The following ZNF385D variants were observed in gnomAD, a reference collection of about 807,000 sequenced individuals.
ZNF385D encodes zinc finger protein 659.
Under a neutral mutation model 35.8 loss-of-function variants are expected in ZNF385D, and 15 were observed. The observed-to-expected ratio is 0.42, with a 90% CI of 0.28 to 0.64. ZNF385D has a LOEUF of 0.64. ZNF385D is among the 30% of genes least tolerant of loss of function. ZNF385D has a pLI of 0.23. For synonymous variants in ZNF385D, 212 were observed against 186.8 expected, an observed-to-expected ratio of 1.13 and a Z score of -1.10; for missense variants, 474 against 494.6, an observed-to-expected ratio of 0.96 and a Z score of 0.39.
At chr3:21,652,424 A>C (rs531589170) in intron 2 of ZNF385D, among the ~76,000 whole-genome samples, 2 of 152,242 alleles carry the variant, frequency 1.3e-5, no homozygotes, top group South Asian at 2.1e-4. Flanking sequence ...TGGATCCCAA[A>C]CTAATGATAT....
At chr3:21,512,489 ATAAT>A (rs1380855470) in intron 3 of ZNF385D, among the ~76,000 whole-genome samples, 2 of 152,256 alleles carry the variant, frequency 1.3e-5, no homozygotes, top group African/African-American at 4.8e-5. Flanking sequence ...GTTTTAACAA[ATAAT>A]TAAATAGTCC....
intron 3 of ZNF385D, among the ~76,000 whole-genome samples, chr3:21,855,695 G>A (rs73050596): frequency 0.068 from 10,370 of 151,946 alleles, 508 homozygotes; most frequent in East Asian, 0.18. Context: ...TTACTTAACT[G>A]TTTGTGCTAA....
chr3:21,746,061 A>G (rs545466916), intron 1 of ZNF385D, among the ~76,000 whole-genome samples: 34 of 152,362 alleles, frequency 2.2e-4, no homozygotes, highest in Middle Eastern at 3.4e-3. Context: ...TTCCAGTATT[A>G]AACACACACA....
chr3:22,176,623 G>A (rs1010758559), intron 2 of ZNF385D, among the ~76,000 whole-genome samples: 3 of 152,138 alleles, frequency 2.0e-5, no homozygotes, highest in Non-Finnish European at 4.4e-5. Context: ...ATTAAGCCCA[G>A]AGTGGCAGAA....
intron 2 of ZNF385D, among the ~76,000 whole-genome samples, chr3:21,649,463 C>G (rs1306689728): frequency 6.6e-6 from 1 of 151,922 alleles, no homozygotes; most frequent in Non-Finnish European, 1.5e-5. Flanking sequence ...AAAGGTTGTC[C>G]AGCCACATCA....
At chr3:21,482,008 C>G (rs1704663318) in intron 4 of ZNF385D, among the ~76,000 whole-genome samples, 1 of 152,116 alleles carries the variant, frequency 6.6e-6, no homozygotes, top group African/African-American at 2.4e-5. Flanking sequence ...ATTTCATTCA[C>G]CGTCCTGGGT....
intron 3 of ZNF385D, among the ~76,000 whole-genome samples, chr3:21,760,698 A>G (rs899724697): frequency 1.3e-5 from 2 of 152,170 alleles, no homozygotes; most frequent in African/African-American, 4.8e-5. Context: ...AGCAGTACTG[A>G]CTAAATATAG....
chr3:21,463,164 T>G (rs1703288107), intron 4 of ZNF385D, among the ~76,000 whole-genome samples: 1 of 151,898 alleles, frequency 6.6e-6, no homozygotes, highest in Admixed American at 6.6e-5. Flanking sequence ...AATTTAAAAG[T>G]TGTAAACATA....
chr3:21,933,053 T>G (rs2125252504), intron 3 of ZNF385D, among the ~76,000 whole-genome samples: 1 of 152,256 alleles, frequency 6.6e-6, no homozygotes, highest in South Asian at 2.1e-4. Flanking sequence ...AGCGGAAAAC[T>G]TCCTGAATCT....
chr3:21,498,440 G>A lies in ZNF385D; in HGVS notation c.439+12421C>T, dbSNP rs947914801. 1.8e-4 allele frequency among the ~76,000 whole-genome samples: 27 copies of A among 152,224 alleles called. 1 individual carries two copies. In the South Asian group the frequency reaches 4.4e-3, roughly 25 times the overall value. On this transcript the variant is annotated intron_variant, in intron 4 of 7. Coordinates refer to ENST00000281523, the MANE Select transcript of ZNF385D (RefSeq NM_024697.3). ...TAAACAGACAACCTACAGAATGGAA[G>A]AATATATTTGCAAACTATCAATTCG...
At position 22,166,004 on chromosome 3, in the gene ZNF385D, C is replaced by T. The variant is rs1236251360; in HGVS notation, c.325+2813G>A. On this transcript the variant is annotated intron_variant, in intron 3 of 5. Transcript: ENST00000494108. ...ATACCCTCTCAGATAATGTGATTGA[C>T]ACTTTTGGCTCCAGGATCTCCCCTA... 2.7e-5 allele frequency among the ~76,000 whole-genome samples: 4 copies of T among 147,510 alleles called. 1 individual carries two copies. Among genetic ancestry groups the T allele is most frequent in the Admixed American group, 2.7e-4 (4 of 14,776 alleles).
At position 21,813,617 on chromosome 3, in the gene ZNF385D, A is replaced by C. The variant is rs556713744; in HGVS notation, c.326-148589T>G. 1.8e-4 allele frequency among the ~76,000 whole-genome samples: 28 copies of C among 152,280 alleles called. No homozygotes were observed. In the South Asian group the frequency reaches 5.8e-3, roughly 32 times the overall value. On this transcript the variant is annotated intron_variant, in intron 3 of 5. Coordinates refer to the ZNF385D transcript ENST00000494108. ...AAGGGTATCGATGATTGAAGATCAAATGAATGAAATGAAGTGAGAAGAGAA... is the reference window on the plus strand; with the variant it reads ...AAGGGTATCGATGATTGAAGATCAACTGAATGAAATGAAGTGAGAAGAGAA...
chr3:21,853,878 G>A (rs992288903), intron 3 of ZNF385D, among the ~76,000 whole-genome samples: 2 of 151,756 alleles, frequency 1.3e-5, no homozygotes, highest in Non-Finnish European at 2.9e-5. Context: ...TGTATATGAA[G>A]TTCAAGAAAG....
At chr3:21,955,304 T>C (rs1286883665) in intron 3 of ZNF385D, among the ~76,000 whole-genome samples, 1 of 152,072 alleles carries the variant, frequency 6.6e-6, no homozygotes, top group Non-Finnish European at 1.5e-5. Flanking sequence ...GTTCTTACTT[T>C]CTTGTAGGGA....
chr3:21,465,122 A>G lies in ZNF385D; in HGVS notation c.440-27919T>C, dbSNP rs1030995315. On this transcript the variant is annotated intron_variant, in intron 4 of 7. Coordinates refer to ENST00000281523, the MANE Select transcript of ZNF385D (RefSeq NM_024697.3). This position sits in a 1 kb window ranked among gnomAD's most constrained non-coding sequence, Gnocchi z 4.2. Reference sequence around the variant, plus strand: ...GATTTCCAAAGCTGTCTCTGTCTATATGGAGCATTTTTGTTAAATATTTCT... The same window carrying G: ...GATTTCCAAAGCTGTCTCTGTCTATGTGGAGCATTTTTGTTAAATATTTCT... 2.0e-5 allele frequency among the ~76,000 whole-genome samples: 3 copies of G among 152,146 alleles called. No homozygotes were observed. Among genetic ancestry groups the G allele is most frequent in the African/African-American group, 7.2e-5 (3 of 41,430 alleles).
chr3:21,921,758 C>T (rs9310665), intron 3 of ZNF385D, among the ~76,000 whole-genome samples: 13,691 of 151,310 alleles, frequency 0.09, 1,947 homozygotes, highest in African/African-American at 0.3. Context: ...AGATAAATTT[C>T]TGGAAACACA....
intron 3 of ZNF385D, among the ~76,000 whole-genome samples, chr3:21,814,262 C>G (rs192336388): frequency 9.2e-5 from 14 of 152,268 alleles, no homozygotes; most frequent in Admixed American, 3.9e-4. Flanking sequence ...ATTGTAAAGA[C>G]CATCGATGTT....
At chr3:22,322,240 T>C (rs1158990597) in intron 2 of ZNF385D, among the ~76,000 whole-genome samples, 1 of 152,218 alleles carries the variant, frequency 6.6e-6, no homozygotes, top group African/African-American at 2.4e-5. Context: ...ACCTGTTGTT[T>C]GGCATTTATA....
chr3:21,984,913 A>G (rs201767723), intron 3 of ZNF385D, among the ~76,000 whole-genome samples: 31,389 of 138,050 alleles, frequency 0.23, 4,173 homozygotes, highest in East Asian at 0.31. Context: ...TAGGTATTTT[A>G]TTGTCTTTGA....
Sources: allele counts gnomAD v4.1 joint callset (sites outside exome capture counted in the v4.1 genomes callset), GRCh38; gene constraint gnomAD v4.1.1; non-coding constraint Gnocchi (gnomAD v3.1); transcripts MANE v1.5; gene names NCBI Gene and HGNC (gene_info 2026-07-23, HGNC 2026-07-21).